The following CLPB variants were observed in gnomAD, a reference collection of about 807,000 sequenced individuals.
CLPB encodes the protein mitochondrial disaggregase.
CLPB carries 40 observed loss-of-function variants against 78.4 expected under a neutral mutation model. That is an observed-to-expected ratio of 0.51 (90% confidence interval 0.40 to 0.66). The LOEUF (loss-of-function observed/expected upper bound fraction) is 0.66. CLPB is among the 30% of genes least tolerant of loss of function. The probability of loss-of-function intolerance (pLI) is 0.00; values close to 1 mark genes in which losing one functional copy is unlikely to be tolerated. For missense variants in CLPB, 780 were observed against 886.9 expected (o/e 0.88, Z 1.53); for synonymous variants, 333 against 348.0 (o/e 0.96, Z 0.48).
At chr11:72,359,464 G>T (rs1032062464) in intron 4 of CLPB, among the ~76,000 whole-genome samples, 1 of 152,242 alleles carries the variant, frequency 6.6e-6, no homozygotes, top group African/African-American at 2.4e-5. Flanking sequence ...AAGAAAGCAG[G>T]TTGGGGTAGG....
At chr11:72,325,191 T>C (rs1950111208) in intron 6 of CLPB, among the ~76,000 whole-genome samples, 1 of 152,204 alleles carries the variant, frequency 6.6e-6, no homozygotes, top group Admixed American at 6.5e-5. Context: ...TACCTCTCCT[T>C]CATCTCTTAG....
intron 1 of CLPB, among the ~76,000 whole-genome samples, chr11:72,433,868 G>A (rs556886297): frequency 3.3e-5 from 5 of 152,216 alleles, no homozygotes; most frequent in South Asian, 4.1e-4. Flanking sequence ...GAGGGGAAGC[G>A]GATCTATGGT....
chr11:72,434,301 T>C lies in CLPB; in HGVS notation c.174A>G (p.Thr58=). The C allele has an allele frequency of 6.2e-7, 1 of 1,612,426 alleles. No individual in the cohort carries two copies. Among genetic ancestry groups the C allele is most frequent in the Admixed American group, 1.7e-5 (1 of 59,988 alleles). Residue 58 remains threonine, a synonymous_variant, in exon 1 of 16, where the codon ACA becomes ACG. Transcript: ENST00000538039. ...LRVATGGRPG[T]SPALFSGRGA... is the part of the protein sequence containing the mutation. ...CACGTCCGGAGAACAAGGCCGGCGA[T>C]GTTCCAGGGCGCCCCCCGGTGGCTA...
chr11:72,366,453 T>G (rs118105218), intron 4 of CLPB, among the ~76,000 whole-genome samples: 4,451 of 152,088 alleles, frequency 0.029, 114 homozygotes, highest in Non-Finnish European at 0.04. Context: ...GTCTTGAACT[T>G]CTGACCATGG....
intron 2 of CLPB, 56 bp downstream of exon 2, chr11:72,430,256 G>A (rs1856505424): frequency 6.5e-7 from 1 of 1,528,946 alleles, no homozygotes; most frequent in Non-Finnish European, 9.0e-7. Flanking sequence ...ACGAGAAGAG[G>A]CTCGCCCTGC....
intron 6 of CLPB, among the ~76,000 whole-genome samples, chr11:72,326,838 CT>C (rs1950141976): frequency 7.8e-6 from 1 of 127,392 alleles, no homozygotes; most frequent in Middle Eastern, 3.9e-3. Flanking sequence ...GAAGAGGAAG[CT>C]TTTTGCAGTT....
rs759050719 is a variant in CLPB at position 72,317,127 on chromosome 11, C to T, written c.967G>A (p.Ala323Thr). The T allele has an allele frequency of 8.7e-6, 14 of 1,610,982 alleles. No homozygotes were observed. The highest frequency in any genetic ancestry group is 1.7e-5 in the Admixed American group (1 of 59,764). Reference protein sequence around the residue: ...LKEHIIGQESAIATVGAAIRR... With the variant: ...LKEHIIGQESTIATVGAAIRR... The stretch of plus-strand genomic sequence containing the variant: ...TCACCAGCACCCACTGTGGCGATGG[C>T]GCTCTCCTGGCCAATGATGTGCTCC... Residue 323 changes from alanine (A) to threonine (T), a missense_variant, in exon 7 of 16, where the codon GCC (alanine) becomes ACC (threonine). Around this residue, in one of 3 missense-constraint regions of CLPB, gnomAD observed 91 missense variants for 168.2 expected, o/e 0.54. Coordinates refer to ENST00000538039, the MANE Select transcript of CLPB (RefSeq NM_001258392.3).
At chr11:72,298,942 T>G (rs916654166) in intron 11 of CLPB, among the ~76,000 whole-genome samples, 2 of 152,234 alleles carry the variant, frequency 1.3e-5, no homozygotes, top group Admixed American at 6.5e-5. Flanking sequence ...CGTTAACCTC[T>G]CTGGGCTGAA....
chr11:72,317,052 G>T (rs1034632107), intron 7 of CLPB, 54 bp downstream of exon 7: 2 of 1,288,620 alleles, frequency 1.6e-6, no homozygotes, highest in East Asian at 4.9e-5. Flanking sequence ...GTGACGACAG[G>T]ATGTACCCCT....
intron 3 of CLPB, among the ~76,000 whole-genome samples, chr11:72,387,026 A>G (rs1186808624): frequency 6.6e-6 from 1 of 152,248 alleles, no homozygotes; most frequent in African/African-American, 2.4e-5. Context: ...GAGAAGTAGT[A>G]TGGCACAGAA....
At position 72,434,116 on chromosome 11, in the gene CLPB, G is replaced by A; in HGVS notation, c.359C>T (p.Ala120Val). 1 of 1,611,844 alleles carries A rather than the reference G, an allele frequency of 6.2e-7. No homozygotes were observed. The highest frequency in any genetic ancestry group is 8.5e-7 in the Non-Finnish European group (1 of 1,180,000). Reference sequence around the variant, plus strand: ...GCTGTAGCAATGAACCACCAGCGCTGCGGCCAGGGCGCACATGCCCAGTCC... The same window carrying A: ...GCTGTAGCAATGAACCACCAGCGCTACGGCCAGGGCGCACATGCCCAGTCC... ...RAGLGMCALA[A>V]ALVVHCYSKS... Residue 120 changes from alanine to valine, a missense_variant, in exon 1 of 16, where the codon GCA becomes GTA. Ala to Val is a moderately conservative substitution (Grantham distance 64, BLOSUM62 0). Transcript: ENST00000538039.
At chr11:72,320,778 T>C (rs1208751231) in intron 6 of CLPB, among the ~76,000 whole-genome samples, 5 of 152,200 alleles carry the variant, frequency 3.3e-5, no homozygotes, top group African/African-American at 1.2e-4. Flanking sequence ...AATGGCACTG[T>C]GTCGGCTCAC....
At chr11:72,299,741 C>G (rs1305645244) in intron 11 of CLPB, among the ~76,000 whole-genome samples, 1 of 152,168 alleles carries the variant, frequency 6.6e-6, no homozygotes, top group Non-Finnish European at 1.5e-5. Context: ...GAGCCTAAAT[C>G]GAGTAAACCT....
chr11:72,370,905 A>C (rs1190366129), intron 4 of CLPB, among the ~76,000 whole-genome samples: 6 of 152,138 alleles, frequency 3.9e-5, no homozygotes, highest in Admixed American at 3.9e-4. Context: ...TCTCTGTCTA[A>C]AGGATAAAGT....
intron 3 of CLPB, among the ~76,000 whole-genome samples, chr11:72,396,583 T>C (rs1406897818): frequency 1.3e-5 from 2 of 152,204 alleles, no homozygotes; most frequent in Admixed American, 1.3e-4. Flanking sequence ...ACTTTCTCCT[T>C]GCTGGAATGA....
intron 1 of CLPB, among the ~76,000 whole-genome samples, chr11:72,430,992 C>A (rs1179378186): frequency 1.3e-5 from 2 of 152,180 alleles, no homozygotes; most frequent in African/African-American, 4.8e-5. Flanking sequence ...GCCCTGCCAG[C>A]TTCACAAGGA....
chr11:72,379,216 C>T (rs2135674465), intron 4 of CLPB, among the ~76,000 whole-genome samples: 1 of 152,230 alleles, frequency 6.6e-6, no homozygotes, highest in South Asian at 2.1e-4. Flanking sequence ...GGCTGAATTT[C>T]CCCCAGCGTC....
In CLPB at chr11:72,292,042, C is replaced by CAAAAAA. The variant is rs576651010; in HGVS notation, c.*1319_*1324dup. Reference sequence around the variant, plus strand: ...TGGGGGACAGAGTGAGACTCTGTCTCAAAAAAAAAAAAAAAAAAAAAAAGG... The same window carrying CAAAAAA: ...TGGGGGACAGAGTGAGACTCTGTCTCAAAAAAAAAAAAAAAAAAAAAAAAAAAAAGG... On this transcript the variant is annotated 3_prime_UTR_variant, in exon 16 of 16. Coordinates refer to ENST00000538039, the MANE Select transcript of CLPB (RefSeq NM_001258392.3). 2 of 44,262 alleles carry CAAAAAA rather than the reference C, an allele frequency of 4.5e-5. No homozygotes were observed. Among genetic ancestry groups the CAAAAAA allele is most frequent in the Admixed American group, 2.5e-4 (1 of 4,016 alleles). The allele number at this position is 44,262 out of a possible 1,614,324, so 2.7% of individuals were successfully genotyped here.
chr11:72,325,993 G>A (rs1950127432), intron 6 of CLPB, among the ~76,000 whole-genome samples: 1 of 152,154 alleles, frequency 6.6e-6, no homozygotes, highest in Non-Finnish European at 1.5e-5. Context: ...GAAACCTATT[G>A]TTCAATTCCT....
Sources: gnomAD v4.1 joint callset for allele counts (sites outside exome capture counted in the v4.1 genomes callset) on GRCh38, gnomAD v4.1.1 for gene constraint, gnomAD v4.1.1 regional missense constraint, MANE v1.5 for transcripts, NCBI Gene and HGNC (gene_info 2026-07-23, HGNC 2026-07-21) for gene names.